The following NEDD1 variants were observed in gnomAD, a reference collection of about 807,000 sequenced individuals.
The protein encoded by NEDD1 is NEDD1 gamma-tubulin ring complex targeting factor.
In NEDD1, 33 loss-of-function variants were observed where a neutral mutation model predicts 74.0. The ratio of observed to expected loss-of-function variants is 0.45; its 90% confidence interval spans 0.34 to 0.60. The LOEUF is 0.60. Ranked by LOEUF, NEDD1 falls within the 20% of genes least tolerant of loss-of-function variation. The pLI is 0.01. For missense variants in NEDD1, 746 were observed against 776.5 expected (o/e 0.96, Z 0.47); for synonymous variants, 250 against 264.4 (o/e 0.95, Z 0.53).
At chr12:96,917,594 G>A in intron 4 of NEDD1, 27 bp from the exon 5 acceptor site, 1 of 1,459,854 alleles carries the variant, frequency 6.9e-7, no homozygotes, top group Non-Finnish European at 9.0e-7. Context: ...TTAAATTAAG[G>A]TAACTTTTTT....
At chr12:96,951,139 G>A (rs1381077417) in intron 14 of NEDD1, among the ~76,000 whole-genome samples, 1 of 151,776 alleles carries the variant, frequency 6.6e-6, no homozygotes, top group Non-Finnish European at 1.5e-5. Flanking sequence ...TTTACTGGTT[G>A]TGTGACTTTG....
intron 10 of NEDD1, among the ~76,000 whole-genome samples, chr12:96,942,071 A>T (rs893083801): frequency 6.6e-6 from 1 of 152,162 alleles, no homozygotes; most frequent in African/African-American, 2.4e-5. Flanking sequence ...GATTAAAATA[A>T]TCTTATACAT....
intron 6 of NEDD1, among the ~76,000 whole-genome samples, chr12:96,931,326 A>C (rs1303336140): frequency 6.6e-6 from 1 of 152,226 alleles, no homozygotes; most frequent in Admixed American, 6.5e-5. Context: ...ATATAAATAT[A>C]TAAAAATTTA....
In NEDD1 at chr12:96,907,307, T is replaced by G. The variant is rs952179832; in HGVS notation, c.-262+7T>G. On this transcript the variant is annotated splice_region_variant and intron_variant, in intron 1 of 15. Coordinates refer to ENST00000266742, the MANE Select transcript of NEDD1 (RefSeq NM_152905.4). Reference sequence around the variant, plus strand: ...GTTGTGTTGCTGCGGAGAGGTGAGGTTCCGGAGGCCCTGAGGTCAGCGGGC... The same window carrying G: ...GTTGTGTTGCTGCGGAGAGGTGAGGGTCCGGAGGCCCTGAGGTCAGCGGGC... The G allele has an allele frequency of 1.9e-4, 62 of 326,450 alleles. No individual in the cohort carries two copies. The highest frequency in any genetic ancestry group is 2.6e-4 in the Non-Finnish European group (48 of 181,492). The allele number at this position is 326,450 out of a possible 1,614,324, so 20.2% of individuals were successfully genotyped here. A position where few individuals can be genotyped will look rare whatever the true frequency, so the allele number is the denominator to read the frequency against.
At chr12:96,947,669 T>C (rs1158042787) in intron 14 of NEDD1, among the ~76,000 whole-genome samples, 2 of 152,210 alleles carry the variant, frequency 1.3e-5, no homozygotes, top group African/African-American at 4.8e-5. Context: ...ATCTGAGTGC[T>C]GGAGCAACTC....
chr12:96,924,769 GT>G, intron 6 of NEDD1: 1 of 425,618 alleles, frequency 2.3e-6, no homozygotes, highest in East Asian at 7.4e-5. Flanking sequence ...TGAATGATAA[GT>G]TTTTATTTCT....
intron 6 of NEDD1, among the ~76,000 whole-genome samples, chr12:96,932,726 A>G (rs1325150287): frequency 3.3e-5 from 5 of 151,420 alleles, no homozygotes; most frequent in African/African-American, 1.2e-4. Context: ...AAATATGTAA[A>G]AGATGGTTGA....
chr12:96,928,348 A>C (rs2136554063), intron 6 of NEDD1, among the ~76,000 whole-genome samples: 1 of 152,192 alleles, frequency 6.6e-6, no homozygotes, highest in Non-Finnish European at 1.5e-5. Context: ...TTATTTTCCA[A>C]ATTTTTATAA....
intron 6 of NEDD1, among the ~76,000 whole-genome samples, chr12:96,932,502 CAAGT>C (rs1278423200): frequency 2.6e-4 from 18 of 68,160 alleles, no homozygotes; most frequent in African/African-American, 9.1e-4. Flanking sequence ...TGCACACACA[CAAGT>C]AAATATATTT....
rs1878780087 is a variant in NEDD1, at chr12:96,952,226, TTTTA to T, written c.*175_*178del. 2.1e-6 allele frequency: 1 copy of T among 474,274 alleles called. No homozygotes were observed. The highest frequency in any genetic ancestry group is 2.0e-5 in the African/African-American group (1 of 49,616). 29.4% of individuals were successfully genotyped at this position (474,274 alleles called of 1,614,324 possible). The stretch of plus-strand genomic sequence containing the variant: ...TGTTTCATCTTAAAAATATGTATAT[TTTTA>T]TATTAAAAATTGTACAGTATGTCAT... On this transcript the variant is annotated 3_prime_UTR_variant, in exon 16 of 16. Transcript: ENST00000266742.
rs754606590 is a variant in NEDD1, at chr12:96,917,593, G to A, written c.232-28G>A. On this transcript the variant is annotated intron_variant, in intron 4 of 15. Coordinates refer to ENST00000266742, the MANE Select transcript of NEDD1 (RefSeq NM_152905.4). ...TCAGCTCTGGGCTCTGTTAAATTAAGGTAACTTTTTTTTTTTTTTTTAAAT... is the reference window on the plus strand; with the variant it reads ...TCAGCTCTGGGCTCTGTTAAATTAAAGTAACTTTTTTTTTTTTTTTTAAAT... 2.1e-5 allele frequency: 30 copies of A among 1,459,532 alleles called. 1 individual carries two copies. In the Admixed American group the frequency reaches 3.8e-4, roughly 18 times the overall value. The allele number at this position is 1,459,532 out of a possible 1,614,324, so 90.4% of individuals were successfully genotyped here.
chr12:96,932,459 AAAAAATATAT>A (rs1321540263), intron 6 of NEDD1, among the ~76,000 whole-genome samples: 8 of 12,084 alleles, frequency 6.6e-4, no homozygotes, highest in African/African-American at 1.6e-3. Context: ...AAAAAAAAAA[AAAAAATATAT>A]ATATATATAT....
Position 96,919,881 on chromosome 12 carries a change from A to G in NEDD1, c.349-104A>G, listed in dbSNP as rs554844217. 8 of 704,838 alleles carry G rather than the reference A, an allele frequency of 1.1e-5. No homozygotes were observed. The Admixed American group carries it at 1.9e-4, about 17-fold the overall frequency. The allele number at this position is 704,838 out of a possible 1,614,324, so 43.7% of individuals were successfully genotyped here. ...ATATTTGAGGAAAATGTTAAAGCAA[A>G]TATTAGATTGATAAATACATAATGT... On this transcript the variant is annotated intron_variant, in intron 5 of 15. Transcript: ENST00000266742.
At chr12:96,914,204 G>T (rs1874210405) in intron 4 of NEDD1, among the ~76,000 whole-genome samples, 1 of 152,294 alleles carries the variant, frequency 6.6e-6, no homozygotes, top group South Asian at 2.1e-4. Flanking sequence ...TGTATCCTAA[G>T]ATGTTCAAAA....
At chr12:96,951,905 T>A in intron 15 of NEDD1, 44 bp from the exon 16 acceptor site, 1 of 1,024,010 alleles carries the variant, frequency 9.8e-7, no homozygotes. Context: ...GCCAAATAAA[T>A]GTGAAATATC....
At position 96,953,557 on chromosome 12, in the gene NEDD1, AT is replaced by A. The variant is rs568062986; in HGVS notation, c.*1505del. On this transcript the variant is annotated 3_prime_UTR_variant, in exon 16 of 16. Transcript: ENST00000266742. ...ATTTTCCTGTTGCTTTTTTAAAAAAATAAATACACATAATGTATATTAAAAG... is the reference window on the plus strand; with the variant it reads ...ATTTTCCTGTTGCTTTTTTAAAAAAAAAATACACATAATGTATATTAAAAG... 3 of 151,348 alleles carry A rather than the reference AT, an allele frequency of 2.0e-5. No individual in the cohort carries two copies. The highest frequency in any genetic ancestry group is 2.9e-5 in the Non-Finnish European group (2 of 67,798). The allele number at this position is 151,348 out of a possible 1,614,324, so 9.4% of individuals were successfully genotyped here.
intron 6 of NEDD1, among the ~76,000 whole-genome samples, chr12:96,929,115 CT>C (rs1253081110): frequency 1.3e-5 from 2 of 151,316 alleles, no homozygotes; most frequent in African/African-American, 4.8e-5. Flanking sequence ...CTTTGCTTAT[CT>C]TCAGTGGTTT....
At chr12:96,909,690 C>A in intron 2 of NEDD1, 62 bp from the exon 3 acceptor site, 1 of 1,387,540 alleles carries the variant, frequency 7.2e-7, no homozygotes, top group Non-Finnish European at 1.0e-6. Context: ...AGATTTTGAC[C>A]TTTTTTTGAG....
intron 14 of NEDD1, 63 bp downstream of exon 14, chr12:96,945,912 C>T: frequency 1.0e-6 from 1 of 986,288 alleles, no homozygotes; most frequent in Non-Finnish European, 1.6e-6. Context: ...AGATGTAAAA[C>T]CAGAACTATA....
Sources: allele counts gnomAD v4.1 joint callset (sites outside exome capture counted in the v4.1 genomes callset), GRCh38; gene constraint gnomAD v4.1.1; transcripts MANE v1.5; gene names NCBI Gene and HGNC (gene_info 2026-07-23, HGNC 2026-07-21).